Variants in MFAP1 observed in about 807,000 individuals in gnomAD.
MFAP1 encodes microfibril associated protein 1, also known as microfibrillar-associated protein 1.
MFAP1 carries 18 observed loss-of-function variants against 62.2 expected under a neutral mutation model. That is an observed-to-expected ratio of 0.29 (90% CI 0.20 to 0.43). MFAP1 has a LOEUF of 0.43. MFAP1 is among the 20% of genes least tolerant of loss of function. The probability of loss-of-function intolerance (pLI) is 1.00; values close to 1 mark genes in which losing one functional copy is unlikely to be tolerated. For missense variants in MFAP1, 355 were observed against 559.7 expected (o/e 0.63, Z 3.69); for synonymous variants, 175 against 180.4 (o/e 0.97, Z 0.24).
At position 43,804,502 on chromosome 15, in the gene MFAP1, T is replaced by C. The variant is rs2087349160; in HGVS notation, c.*592A>G. On this transcript the variant is annotated 3_prime_UTR_variant, in exon 9 of 9. Transcript: ENST00000267812. ...ATGTGAAACACCTTCTGCCTGACAA[T>C]TGTTATCTTTTACTTTAATAGGCAA... The C allele has an allele frequency of 6.6e-6, 1 of 152,202 alleles. No individual in the cohort carries two copies. The highest frequency in any genetic ancestry group is 1.5e-5 in the Non-Finnish European group (1 of 68,040). The allele number at this position is 152,202 out of a possible 1,614,324, so 9.4% of individuals were successfully genotyped here.
At chr15:43,822,220 G>C (rs866546219) in intron 1 of MFAP1, among the ~76,000 whole-genome samples, 1 of 121,006 alleles carries the variant, frequency 8.3e-6, no homozygotes, top group South Asian at 2.5e-4. Flanking sequence ...AAAAAAAAAA[G>C]CCCAGCATCA....
rs371889014 is a variant in MFAP1, at chr15:43,815,085, G to C, written c.300-11C>G. 4 of 1,613,578 alleles carry C rather than the reference G, an allele frequency of 2.5e-6. No homozygotes were observed. The highest frequency in any genetic ancestry group is 3.4e-6 in the Non-Finnish European group (4 of 1,179,906). ...CGATGTCGAGCCAATCTGAAAAACA[G>C]TATCTCCAAATGTAACACCAATGTC... On this transcript the variant is annotated splice_polypyrimidine_tract_variant and intron_variant, in intron 2 of 8. Coordinates refer to ENST00000267812, the MANE Select transcript of MFAP1 (RefSeq NM_005926.3).
chr15:43,824,114 GTAAT>G (rs1350268828), intron 1 of MFAP1, among the ~76,000 whole-genome samples: 4 of 151,122 alleles, frequency 2.6e-5, no homozygotes, highest in African/African-American at 4.9e-5. Flanking sequence ...GTAATTATAT[GTAAT>G]TAGTGATATT....
At position 43,805,474 on chromosome 15, in the gene MFAP1, A is replaced by T. The variant is rs544038849; in HGVS notation, c.1048-9T>A. The T allele has an allele frequency of 6.3e-7, 1 of 1,595,688 alleles. No homozygotes were observed. Among genetic ancestry groups the T allele is most frequent in the East Asian group, 2.2e-5 (1 of 44,812 alleles). On this transcript the variant is annotated splice_polypyrimidine_tract_variant and intron_variant, in intron 7 of 8. Transcript: ENST00000267812. ...ACTTCTTCATCCTCATCCTGTATAAAAAAAATCTTATCAATCTTGTGGCTT... is the reference window on the plus strand; with the variant it reads ...ACTTCTTCATCCTCATCCTGTATAATAAAAATCTTATCAATCTTGTGGCTT...
Position 43,804,962 on chromosome 15 carries a change from C to T in MFAP1, c.*132G>A, listed in dbSNP as rs1421063577. On this transcript the variant is annotated 3_prime_UTR_variant, in exon 9 of 9. Transcript: ENST00000267812. ...AAGCACCTTCAAAGTCTGGGCTACC[C>T]AGTATCACAAGTATAGCAGTAAGTC... is the stretch of plus-strand genomic sequence containing the variant. 3 of 1,006,636 alleles carry T rather than the reference C, an allele frequency of 3.0e-6. No homozygotes were observed. The highest frequency in any genetic ancestry group is 3.2e-5 in the African/African-American group (2 of 62,226). The allele number at this position is 1,006,636 out of a possible 1,614,324, so 62.4% of individuals were successfully genotyped here.
chr15:43,819,118 G>A (rs2087452118), intron 1 of MFAP1, among the ~76,000 whole-genome samples: 1 of 152,126 alleles, frequency 6.6e-6, no homozygotes. Context: ...ACTTGAACCT[G>A]GAAGGTGGAG....
rs777743519 is a variant in MFAP1 at position 43,809,773 on chromosome 15, G to A, written c.1029C>T (p.His343=). ...TTCTTACCATGAAGAAGGCACCCCG[G>A]TGATAATACTTCTGTAAGAACTTGT... ...GKYKFLQKYY[H]RGAFFMDEDE... is the part of the protein sequence containing the mutation. Residue 343 remains histidine, a synonymous_variant, in exon 7 of 9, where the codon CAC becomes CAT. Transcript: ENST00000267812. 3 of 1,613,846 alleles carry A rather than the reference G, an allele frequency of 1.9e-6. No individual in the cohort carries two copies. The highest frequency in any genetic ancestry group is 1.7e-6 in the Non-Finnish European group (2 of 1,179,814).
chr15:43,813,194 A>G, intron 5 of MFAP1, 47 bp from the exon 6 acceptor site: 1 of 1,614,076 alleles, frequency 6.2e-7, no homozygotes, highest in Non-Finnish European at 8.5e-7. Flanking sequence ...CTCTCCTCAG[A>G]CAAACCTGAT....
At chr15:43,821,378 C>A (rs917505605) in intron 1 of MFAP1, among the ~76,000 whole-genome samples, 1 of 138,026 alleles carries the variant, frequency 7.2e-6, no homozygotes, top group African/African-American at 2.7e-5. Context: ...AGGCTTATTC[C>A]AAAATCATAT....
chr15:43,810,077 G>A, intron 6 of MFAP1, 163 bp from the exon 7 acceptor site: 1 of 772,804 alleles, frequency 1.3e-6, no homozygotes, highest in Admixed American at 2.8e-5. Context: ...ACAAATGGGT[G>A]AGTTAGTCTT....
Position 43,815,093 on chromosome 15 carries a change from A to G in MFAP1, c.300-19T>C. 6.2e-7 allele frequency: 1 copy of G among 1,613,762 alleles called. No individual in the cohort carries two copies. Among genetic ancestry groups the G allele is most frequent in the Non-Finnish European group, 8.5e-7 (1 of 1,179,896 alleles). On this transcript the variant is annotated intron_variant, in intron 2 of 8. Transcript: ENST00000267812. ...AGCCAATCTGAAAAACAGTATCTCC[A>G]AATGTAACACCAATGTCATAAAAAT... is the stretch of plus-strand genomic sequence containing the variant.
chr15:43,817,108 G>T, intron 2 of MFAP1, 121 bp downstream of exon 2: 1 of 995,356 alleles, frequency 1.0e-6, no homozygotes, highest in Non-Finnish European at 1.5e-6. Context: ...TAAAGTTATT[G>T]TATGGATTAC....
chr15:43,819,704 G>C (rs1205476024), intron 1 of MFAP1, among the ~76,000 whole-genome samples: 2 of 151,854 alleles, frequency 1.3e-5, no homozygotes, highest in East Asian at 3.9e-4. Context: ...GCTAATTTGT[G>C]TATTTTTTAG....
At chr15:43,810,037 T>C (rs1041348328) in intron 6 of MFAP1, 123 bp from the exon 7 acceptor site, 2 of 1,180,900 alleles carry the variant, frequency 1.7e-6, no homozygotes, top group Non-Finnish European at 1.2e-6. Flanking sequence ...AGTCATTGCC[T>C]ATTAGGAATC....
chr15:43,805,971 A>G (rs2087362797), intron 7 of MFAP1, among the ~76,000 whole-genome samples: 3 of 136,102 alleles, frequency 2.2e-5, no homozygotes, highest in Non-Finnish European at 3.1e-5. Context: ...TTTCCCTGAG[A>G]CAGCGTCTCA....
intron 6 of MFAP1, among the ~76,000 whole-genome samples, chr15:43,812,611 C>T (rs1419925583): frequency 6.6e-6 from 1 of 152,178 alleles, no homozygotes; most frequent in African/African-American, 2.4e-5. Context: ...CAGGTGAAAT[C>T]AGTAGAGGAA....
At chr15:43,822,170 A>C (rs2087470488) in intron 1 of MFAP1, among the ~76,000 whole-genome samples, 1 of 147,928 alleles carries the variant, frequency 6.8e-6, no homozygotes, top group Non-Finnish European at 1.5e-5. Flanking sequence ...ATTGCACTCC[A>C]GCTTGGTCAA....
At chr15:43,814,154 G>A (rs1289409994) in intron 4 of MFAP1, among the ~76,000 whole-genome samples, 1 of 152,158 alleles carries the variant, frequency 6.6e-6, no homozygotes, top group Admixed American at 6.6e-5. Context: ...TCGGGAGACA[G>A]AGGCAGAACT....
At chr15:43,819,912 C>G (rs2141712472) in intron 1 of MFAP1, among the ~76,000 whole-genome samples, 1 of 152,326 alleles carries the variant, frequency 6.6e-6, no homozygotes, top group Non-Finnish European at 1.5e-5. Flanking sequence ...CTCTGGGAGG[C>G]CAAGGCGGAC....
Sources: gnomAD v4.1 joint callset for allele counts (sites outside exome capture counted in the v4.1 genomes callset) on GRCh38, gnomAD v4.1.1 for gene constraint, MANE v1.5 for transcripts, NCBI Gene and HGNC (gene_info 2026-07-23, HGNC 2026-07-21) for gene names.